STAB2: variants seen among roughly 807,000 people sequenced by gnomAD.
The protein encoded by STAB2 is stabilin 2.
Under a neutral mutation model 338.1 loss-of-function variants are expected in STAB2, and 288 were observed. The ratio of observed to expected loss-of-function variants is 0.85; its 90% CI spans 0.77 to 0.94. STAB2 has a LOEUF of 0.94. Ranked by LOEUF, STAB2 falls within the 40% of genes least tolerant of loss-of-function variation. The probability of loss-of-function intolerance (pLI) is 0.00; values close to 1 mark genes in which losing one functional copy is unlikely to be tolerated. For synonymous variants in STAB2, 1,202 were observed against 1,193.3 expected, an observed-to-expected ratio of 1.01 and a Z score of -0.15; for missense variants, 3,141 against 3,210.1, an observed-to-expected ratio of 0.98 and a Z score of 0.52.
At chr12:103,637,286 A>G (rs373082148) in intron 7 of STAB2, 50 bp downstream of exon 7, 9 of 1,571,608 alleles carry the variant, frequency 5.7e-6, no homozygotes, top group Non-Finnish European at 7.7e-6. Flanking sequence ...TGTTTAGGTT[A>G]TTTAACAGGA....
At chr12:103,657,328 C>T (rs972063976) in intron 15 of STAB2, among the ~76,000 whole-genome samples, 2 of 151,076 alleles carry the variant, frequency 1.3e-5, no homozygotes, top group Non-Finnish European at 2.9e-5. Context: ...ATTTGATGCA[C>T]ATTTTAATAA....
chr12:103,680,593 T>A (rs1007086372), intron 25 of STAB2, among the ~76,000 whole-genome samples: 13 of 152,350 alleles, frequency 8.5e-5, no homozygotes, highest in African/African-American at 3.1e-4. Context: ...TTGACTCAGA[T>A]TGAGTGCATC....
intron 53 of STAB2, among the ~76,000 whole-genome samples, chr12:103,738,058 A>G (rs1197717345): frequency 6.6e-6 from 1 of 152,164 alleles, no homozygotes; most frequent in Non-Finnish European, 1.5e-5. Context: ...GATACCAACC[A>G]TATGCCAACT....
intron 3 of STAB2, among the ~76,000 whole-genome samples, chr12:103,612,957 G>C (rs897711509): frequency 6.6e-6 from 1 of 152,218 alleles, no homozygotes; most frequent in Non-Finnish European, 1.5e-5. Context: ...GTCCACTCCA[G>C]ATCCTGTTTG....
At chr12:103,650,700 T>C in intron 11 of STAB2, 122 bp downstream of exon 11, 1 of 700,398 alleles carries the variant, frequency 1.4e-6, no homozygotes, top group South Asian at 2.0e-5. Context: ...ATAAGGATGG[T>C]GATTTTTTGA....
intron 3 of STAB2, among the ~76,000 whole-genome samples, chr12:103,612,044 G>A (rs1054211091): frequency 6.6e-6 from 1 of 152,210 alleles, no homozygotes; most frequent in Admixed American, 6.5e-5. Context: ...TAGAGTTTCT[G>A]CTGAGATATC....
In STAB2 at chr12:103,638,190, G is replaced by A. The variant is rs760183451; in HGVS notation, c.884G>A (p.Cys295Tyr). 3.7e-6 allele frequency: 6 copies of A among 1,614,142 alleles called. No homozygotes were observed. In the South Asian group the frequency reaches 5.5e-5, roughly 15 times the overall value. Residue 295 changes from cysteine to tyrosine, a missense_variant, in exon 8 of 69, where the codon TGC (cysteine) becomes TAC (tyrosine). By Grantham distance (194) the Cys-to-Tyr change is radical (BLOSUM62 -2). Transcript: ENST00000388887. ...FGNCPTKSTV[C>Y]KYDGPGQSHC... ...AACTGCCCTACAAAGTCTACAGTGT[G>A]CAAATATGATGGGCCTGGACAGGTG...
At chr12:103,605,723 T>G (rs1257656257) in intron 3 of STAB2, among the ~76,000 whole-genome samples, 1 of 152,040 alleles carries the variant, frequency 6.6e-6, no homozygotes, top group Non-Finnish European at 1.5e-5. Context: ...ATGAACTTCT[T>G]TATACCTGGT....
At position 103,728,836 on chromosome 12, in the gene STAB2, T is replaced by C. The variant is rs1034178637; in HGVS notation, c.4936-13T>C. On this transcript the variant is annotated splice_polypyrimidine_tract_variant and intron_variant, in intron 47 of 68. Transcript: ENST00000388887. ...CCTGCCTCTGGCTGAAACCCTCTGA[T>C]CTTCTGTTACAGGTTAAAGACTGGG... 6 of 1,613,532 alleles carry C rather than the reference T, an allele frequency of 3.7e-6. No individual in the cohort carries two copies. The highest frequency in any genetic ancestry group is 5.1e-6 in the Non-Finnish European group (6 of 1,179,606).
intron 3 of STAB2, among the ~76,000 whole-genome samples, chr12:103,620,217 A>T (rs1410688764): frequency 6.6e-6 from 1 of 152,250 alleles, no homozygotes; most frequent in Non-Finnish European, 1.5e-5. Flanking sequence ...TAATTTGATC[A>T]TTGTGAAGTG....
chr12:103,607,065 A>G (rs1335290510), intron 3 of STAB2, among the ~76,000 whole-genome samples: 1 of 152,120 alleles, frequency 6.6e-6, no homozygotes, highest in African/African-American at 2.4e-5. Flanking sequence ...AGCATAATAA[A>G]TCCTTTTTCC....
At chr12:103,608,424 G>A (rs1194267056) in intron 3 of STAB2, among the ~76,000 whole-genome samples, 1 of 152,182 alleles carries the variant, frequency 6.6e-6, no homozygotes. Context: ...TTACAGGCAT[G>A]AGCCACCGCG....
In STAB2 at chr12:103,587,553, G is replaced by A. The variant is rs746683352; in HGVS notation, c.77G>A (p.Gly26Glu). The A allele has an allele frequency of 3.7e-6, 6 of 1,613,456 alleles. No individual in the cohort carries two copies. The highest frequency in any genetic ancestry group is 1.1e-5 in the South Asian group (1 of 91,048). The change falls in exon 1 of 69, where the codon GGG becomes GAG. Residue 26 changes from glycine to glutamate, a missense_variant. Physicochemically the swap from Gly to Glu is moderately conservative, Grantham distance 98 (BLOSUM62 -2). Coordinates refer to ENST00000388887, the MANE Select transcript of STAB2 (RefSeq NM_017564.10). Reference protein sequence around the residue: ...QNFCSPAETTGQARRCDRKSL... With the variant: ...QNFCSPAETTEQARRCDRKSL... ...TTCTGCTCCCCAGCTGAAACCACAGGGCAGGTAAGAGGAGACTTACATATT... is the reference window on the plus strand; with the variant it reads ...TTCTGCTCCCCAGCTGAAACCACAGAGCAGGTAAGAGGAGACTTACATATT...
intron 31 of STAB2, among the ~76,000 whole-genome samples, chr12:103,694,276 ATTG>A (rs1566021541): frequency 1.3e-5 from 2 of 152,096 alleles, no homozygotes; most frequent in Non-Finnish European, 2.9e-5. Context: ...ATCACTGCCT[ATTG>A]TTATGTGACA....
intron 8 of STAB2, among the ~76,000 whole-genome samples, 200 bp from the exon 9 acceptor site, chr12:103,639,923 A>C (rs745881269): frequency 1.8e-4 from 27 of 152,208 alleles, no homozygotes; most frequent in Non-Finnish European, 3.7e-4. Flanking sequence ...ATAAGCAAGG[A>C]GTATAAGCTT....
chr12:103,758,435 G>A lies in STAB2; in HGVS notation c.7107+146G>A, dbSNP rs193022982. 3.2e-5 allele frequency: 44 copies of A among 1,379,192 alleles called. No homozygotes were observed. In the Admixed American group the frequency reaches 6.2e-4, roughly 19 times the overall value. The allele number at this position is 1,379,192 out of a possible 1,614,324, so 85.4% of individuals were successfully genotyped here. ...CTGCAGATCAGTTGGCCACTCCCTT[G>A]GTCTTGGCACACTCGGGTCTGAGAC... On this transcript the variant is annotated intron_variant, in intron 64 of 68. Coordinates refer to ENST00000388887, the MANE Select transcript of STAB2 (RefSeq NM_017564.10).
At chr12:103,663,426 A>G (rs1341776749) in intron 18 of STAB2, among the ~76,000 whole-genome samples, 1 of 152,090 alleles carries the variant, frequency 6.6e-6, no homozygotes, top group Admixed American at 6.5e-5. Context: ...AATTCTTGGC[A>G]TTCCGTGGCT....
Position 103,710,895 on chromosome 12 carries a change from A to G in STAB2, c.4289-576A>G, listed in dbSNP as rs563823945. ...ACTTCTGGATCTTGTCCTGTCAAGA[A>G]ATAGGTAGGCATCCAAGAGCAATAA... On this transcript the variant is annotated intron_variant, in intron 39 of 68. Coordinates refer to ENST00000388887, the MANE Select transcript of STAB2 (RefSeq NM_017564.10). Among the ~76,000 whole-genome samples the G allele has an allele frequency of 1.2e-4, 19 of 152,292 alleles. 1 individual carries two copies. The South Asian group carries it at 3.9e-3, about 32-fold the overall frequency.
intron 8 of STAB2, among the ~76,000 whole-genome samples, chr12:103,639,730 T>C (rs1236518126): frequency 7.0e-6 from 1 of 142,692 alleles, no homozygotes; most frequent in Non-Finnish European, 1.5e-5. Context: ...AAAAAAACAC[T>C]TGTTTCCAGA....
Sources: gnomAD v4.1 joint callset for allele counts (sites outside exome capture counted in the v4.1 genomes callset) on GRCh38, gnomAD v4.1.1 for gene constraint, MANE v1.5 for transcripts, NCBI Gene and HGNC (gene_info 2026-07-23, HGNC 2026-07-21) for gene names.